Variants in SEMA6D observed in about 807,000 individuals in gnomAD.
SEMA6D encodes the protein semaphorin 6D, also known as semaphorin-6D.
SEMA6D carries 35 observed loss-of-function variants against 106.6 expected under a neutral mutation model. That is an observed-to-expected ratio of 0.33 (90% confidence interval 0.25 to 0.44). The LOEUF is 0.44. SEMA6D is among the 20% of genes least tolerant of loss of function. SEMA6D has a pLI of 1.00. For missense variants in SEMA6D, 1,185 were observed against 1,345.9 expected, an observed-to-expected ratio of 0.88 and a Z score of 1.87; for synonymous variants, 499 against 487.7, an observed-to-expected ratio of 1.02 and a Z score of -0.31.
intron 3 of SEMA6D, among the ~76,000 whole-genome samples, chr15:47,503,864 C>T (rs1268027521): frequency 6.6e-6 from 1 of 152,148 alleles, no homozygotes; most frequent in African/African-American, 2.4e-5. Flanking sequence ...AGTGATGTAA[C>T]CAAAAGGCCG....
intron 1 of SEMA6D, among the ~76,000 whole-genome samples, chr15:47,301,279 G>T (rs2036006496): frequency 6.6e-6 from 1 of 152,208 alleles, no homozygotes; most frequent in Admixed American, 6.5e-5. Flanking sequence ...GTGACAGCTA[G>T]ATCTCCATTC....
chr15:47,575,922 G>A (rs536008771), intron 3 of SEMA6D, among the ~76,000 whole-genome samples: 95 of 152,234 alleles, frequency 6.2e-4, no homozygotes, highest in Middle Eastern at 3.4e-3. Flanking sequence ...TAAAAATACA[G>A]ACCATCCTTT....
At chr15:47,723,221 T>G (rs2079526157) in intron 1 of SEMA6D, among the ~76,000 whole-genome samples, 1 of 152,238 alleles carries the variant, frequency 6.6e-6, no homozygotes, top group African/African-American at 2.4e-5. Flanking sequence ...CACATTGTTA[T>G]ACTTTACTTT....
chr15:47,464,874 T>G (rs2042613573), intron 2 of SEMA6D, among the ~76,000 whole-genome samples: 1 of 152,160 alleles, frequency 6.6e-6, no homozygotes, highest in Non-Finnish European at 1.5e-5. Flanking sequence ...GGCACTGTCA[T>G]GGACCAAGTG....
rs1197283877 is a variant in SEMA6D, at chr15:47,676,014, G to A, written c.-55+75118G>A. 4.6e-5 allele frequency among the ~76,000 whole-genome samples: 7 copies of A among 152,068 alleles called. No homozygotes were observed. The East Asian group carries it at 7.7e-4, about 17-fold the overall frequency. On this transcript the variant is annotated intron_variant, in intron 4 of 19. Coordinates refer to the SEMA6D transcript ENST00000558014. ...CCTGGCAGTGGCTGTGTCTATTTGG[G>A]GCTCTGGCTCCTACAGGCTAGGCCC...
chr15:47,448,784 T>G (rs1333580777), intron 2 of SEMA6D, among the ~76,000 whole-genome samples: 1 of 152,034 alleles, frequency 6.6e-6, no homozygotes, highest in African/African-American at 2.4e-5. Flanking sequence ...GTGAACATCT[T>G]CTTCCAATGA....
intron 1 of SEMA6D, among the ~76,000 whole-genome samples, chr15:47,212,758 G>A (rs75589747): frequency 0.03 from 4,577 of 152,250 alleles, 106 homozygotes; most frequent in Non-Finnish European, 0.045. Context: ...GAAGGTGACT[G>A]TATGACTATC....
At position 47,760,375 on chromosome 15, in the gene SEMA6D, C is replaced by T; in HGVS notation, c.181C>T (p.Leu61=). Residue 61 remains leucine, a synonymous_variant, in exon 3 of 19, where the codon CTG becomes TTG. Transcript: ENST00000536845. ...ATCGCAGCACAGGCTGGACTTTCAG[C>T]TGATGTTGAAAATTCGAGACACACT... ...NESQHRLDFQ[L]MLKIRDTLYI... is the part of the protein sequence containing the mutation. 3.1e-6 allele frequency: 5 copies of T among 1,613,618 alleles called. No individual in the cohort carries two copies. The highest frequency in any genetic ancestry group is 4.2e-6 in the Non-Finnish European group (5 of 1,179,654).
At chr15:47,524,290 C>A (rs1339612487) in intron 3 of SEMA6D, among the ~76,000 whole-genome samples, 6 of 152,298 alleles carry the variant, frequency 3.9e-5, no homozygotes, top group South Asian at 2.1e-4. Flanking sequence ...ATCCTCATCT[C>A]CCCGGGAGAC....
chr15:47,704,480 A>G (rs1669963851), intron 4 of SEMA6D, among the ~76,000 whole-genome samples: 1 of 152,312 alleles, frequency 6.6e-6, no homozygotes, highest in Middle Eastern at 3.4e-3. Flanking sequence ...GCACTTTGGG[A>G]GGCCAAAATG....
intron 2 of SEMA6D, among the ~76,000 whole-genome samples, chr15:47,424,677 G>A (rs1000372603): frequency 9.9e-5 from 15 of 152,152 alleles, no homozygotes. Flanking sequence ...AGGTCCTACT[G>A]ATGTAGGTAG....
At chr15:47,369,918 G>C (rs1250402654) in intron 1 of SEMA6D, among the ~76,000 whole-genome samples, 1 of 152,178 alleles carries the variant, frequency 6.6e-6, no homozygotes, top group Non-Finnish European at 1.5e-5. Flanking sequence ...ACTGTTTTAA[G>C]CACATTGCAT....
At position 47,771,765 on chromosome 15, in the gene SEMA6D, C is replaced by A. The variant is rs2082641767; in HGVS notation, c.3202C>A (p.Leu1068Met). Reference protein sequence around the residue: ...FVPQTPSVRPLNKYTY With the variant: ...FVPQTPSVRPMNKYTY ...TCCTCAAACCCCATCTGTCAGACCA[C>A]TGAACAAATACACATACTAGGCCTC... is the stretch of plus-strand genomic sequence containing the variant. Residue 1068 changes from leucine to methionine, a missense_variant, in exon 19 of 19, where the codon CTG becomes ATG. By Grantham distance (15) the Leu-to-Met change is conservative. Around this residue, in one of 3 missense-constraint regions of SEMA6D, gnomAD observed 750 missense variants for 783.5 expected, o/e 0.96. Transcript: ENST00000536845. The A allele has an allele frequency of 1.2e-6, 2 of 1,613,506 alleles. No individual in the cohort carries two copies. Among genetic ancestry groups the A allele is most frequent in the East Asian group, 4.5e-5 (2 of 44,872 alleles).
intron 1 of SEMA6D, among the ~76,000 whole-genome samples, chr15:47,214,504 TG>T (rs1413370738): frequency 6.6e-6 from 1 of 152,210 alleles, no homozygotes; most frequent in Non-Finnish European, 1.5e-5. Context: ...GTTCCGTGAA[TG>T]TGTTCAGGTT....
Position 47,761,235 on chromosome 15 carries a change from A to G in SEMA6D, c.345+15A>G, listed in dbSNP as rs1343454874. ...GCAAGCATAAAGTGAGTGAAACAGA[A>G]AAATGTCTGCTAGATTTAGTCTTTC... On this transcript the variant is annotated intron_variant, in intron 5 of 18. Coordinates refer to ENST00000536845, the MANE Select transcript of SEMA6D (RefSeq NM_001358351.3). 2.5e-5 allele frequency: 40 copies of G among 1,613,564 alleles called. No individual in the cohort carries two copies. The highest frequency in any genetic ancestry group is 3.4e-5 in the Non-Finnish European group (40 of 1,179,686).
intron 2 of SEMA6D, among the ~76,000 whole-genome samples, chr15:47,414,297 G>A (rs908608161): frequency 2.6e-5 from 4 of 152,074 alleles, no homozygotes; most frequent in African/African-American, 9.7e-5. Flanking sequence ...TACCACCAAA[G>A]CCTAACTTCT....
chr15:47,751,949 G>A (rs756678404), intron 1 of SEMA6D, among the ~76,000 whole-genome samples: 1 of 152,146 alleles, frequency 6.6e-6, no homozygotes, highest in Non-Finnish European at 1.5e-5. Flanking sequence ...AAGGAGGAGC[G>A]AGGCTTGGTA....
intron 3 of SEMA6D, among the ~76,000 whole-genome samples, chr15:47,522,263 C>T (rs138888381): frequency 6.6e-6 from 1 of 152,290 alleles, no homozygotes; most frequent in Non-Finnish European, 1.5e-5. Context: ...AAACTCATGT[C>T]TATTCAATGC....
chr15:47,473,519 G>A (rs948376328), intron 3 of SEMA6D, among the ~76,000 whole-genome samples: 12 of 152,104 alleles, frequency 7.9e-5, no homozygotes, highest in African/African-American at 2.9e-4. Context: ...TCACTAGCTG[G>A]CTCTCCATCA....
Sources: gnomAD v4.1 joint callset for allele counts (sites outside exome capture counted in the v4.1 genomes callset) on GRCh38, gnomAD v4.1.1 for gene constraint, gnomAD v4.1.1 regional missense constraint, MANE v1.5 for transcripts, NCBI Gene and HGNC (gene_info 2026-07-23, HGNC 2026-07-21) for gene names.